Variants in HAUS8 observed in about 807,000 individuals in gnomAD.
The protein encoded by HAUS8 is HAUS augmin-like complex subunit 8.
A neutral mutation model predicts 42.9 loss-of-function variants in HAUS8; 38 were observed. That is an observed-to-expected ratio of 0.89 (90% CI 0.68 to 1.16). HAUS8 has a LOEUF of 1.16. Among genes scored for constraint, HAUS8 ranks in the 50% most tolerant of loss-of-function variants. The probability of loss-of-function intolerance (pLI) is 0.00; values close to 1 mark genes in which losing one functional copy is unlikely to be tolerated. For synonymous variants in HAUS8, 199 were observed against 205.8 expected (o/e 0.97, Z 0.28); for missense variants, 494 against 511.6 (o/e 0.97, Z 0.33).
intron 3 of HAUS8, among the ~76,000 whole-genome samples, chr19:17,068,382 TGTTTTTAAATACCAGCCA>T (rs1448460189): frequency 1.3e-5 from 2 of 152,128 alleles, no homozygotes; most frequent in Admixed American, 1.3e-4. Flanking sequence ...CCAAAGTAGC[TGTTTTTAAATACCAGCCA>T]GACACCAAGA....
intron 2 of HAUS8, among the ~76,000 whole-genome samples, chr19:17,071,512 G>C (rs1050971957): frequency 1.3e-5 from 2 of 152,184 alleles, no homozygotes; most frequent in South Asian, 4.1e-4. Flanking sequence ...GTCTACCCTG[G>C]ATGGTGATCG....
chr19:17,072,819 G>A (rs188085713), intron 2 of HAUS8, among the ~76,000 whole-genome samples: 1 of 151,914 alleles, frequency 6.6e-6, no homozygotes, highest in Non-Finnish European at 1.5e-5. Context: ...AGTGGGAATT[G>A]AGAGTTTGAT....
At chr19:17,055,836 C>T (rs567896602) in intron 9 of HAUS8, 25 bp downstream of exon 9, 80 of 1,605,944 alleles carry the variant, frequency 5.0e-5, no homozygotes, top group South Asian at 1.1e-4. Flanking sequence ...CTGCTGCACA[C>T]GCACTGGGAC....
chr19:17,052,025 A>C (rs892727031), intron 10 of HAUS8: 2 of 152,182 alleles, frequency 1.3e-5, no homozygotes, highest in African/African-American at 4.8e-5. Flanking sequence ...CTGTAATCCC[A>C]GTTAGTTCGG....
chr19:17,052,667 T>C (rs2057294632), intron 10 of HAUS8, 158 bp downstream of exon 10: 1 of 736,812 alleles, frequency 1.4e-6, no homozygotes, highest in African/African-American at 1.8e-5. Context: ...TGCTGGCCAT[T>C]CTTGTATCAT....
intron 2 of HAUS8, among the ~76,000 whole-genome samples, chr19:17,072,338 CTTTT>C (rs71180355): frequency 1.1e-5 from 1 of 87,530 alleles, no homozygotes. Flanking sequence ...CGAGCATTTC[CTTTT>C]TTTTTTTTTT....
At chr19:17,059,809 G>T (rs1213050406) in intron 5 of HAUS8, among the ~76,000 whole-genome samples, 158 bp from the exon 6 acceptor site, 1 of 152,074 alleles carries the variant, frequency 6.6e-6, no homozygotes, top group Non-Finnish European at 1.5e-5. Flanking sequence ...GTTCAACTTT[G>T]CAAGGGGCAA....
At chr19:17,065,417 G>A (rs749045171) in intron 3 of HAUS8, among the ~76,000 whole-genome samples, 3 of 152,318 alleles carry the variant, frequency 2.0e-5, no homozygotes, top group Non-Finnish European at 4.4e-5. Flanking sequence ...ACGCAACAGA[G>A]GCCAAGAAGA....
intron 8 of HAUS8, among the ~76,000 whole-genome samples, chr19:17,056,326 C>T (rs2057326376): frequency 6.6e-6 from 1 of 152,198 alleles, no homozygotes; most frequent in African/African-American, 2.4e-5. Flanking sequence ...CCCACTCCCA[C>T]CCCAAACATG....
chr19:17,051,155 A>G (rs907732038), intron 10 of HAUS8, among the ~76,000 whole-genome samples: 1 of 152,046 alleles, frequency 6.6e-6, no homozygotes, highest in Non-Finnish European at 1.5e-5. Context: ...TGGATGAATG[A>G]GTTATCCTGG....
chr19:17,059,975 A>C, intron 5 of HAUS8, 22 bp downstream of exon 5: 1 of 1,544,360 alleles, frequency 6.5e-7, no homozygotes, highest in Non-Finnish European at 9.0e-7. Context: ...GAGTGACAGA[A>C]GGGGTGAAAC....
At chr19:17,072,809 A>G (rs546286118) in intron 2 of HAUS8, among the ~76,000 whole-genome samples, 19 of 151,994 alleles carry the variant, frequency 1.3e-4, no homozygotes, top group Non-Finnish European at 2.5e-4. Flanking sequence ...ACGCTCACGC[A>G]GTGGGAATTG....
chr19:17,058,765 G>A (rs990870939), intron 7 of HAUS8, 46 bp downstream of exon 7: 16 of 1,606,018 alleles, frequency 1.0e-5, no homozygotes, highest in African/African-American at 1.3e-5. Context: ...GTGAATGGAG[G>A]CCACCCTTCC....
intron 1 of HAUS8, chr19:17,075,016 T>C (rs2057459424): frequency 7.0e-6 from 2 of 286,614 alleles, no homozygotes; most frequent in South Asian, 5.1e-5. Flanking sequence ...TGCATAACGA[T>C]AATTCCAAGA....
chr19:17,064,156 A>T (rs1345116506), intron 3 of HAUS8, among the ~76,000 whole-genome samples: 2 of 152,236 alleles, frequency 1.3e-5, no homozygotes, highest in Admixed American at 6.5e-5. Context: ...ATGGCACTAA[A>T]CACCAAATGC....
At chr19:17,069,414 G>A (rs781362372) in intron 2 of HAUS8, among the ~76,000 whole-genome samples, 2 of 151,212 alleles carry the variant, frequency 1.3e-5, no homozygotes, top group Non-Finnish European at 2.9e-5. Context: ...TTTCACTGAC[G>A]GCCTCCAGGT....
Position 17,058,662 on chromosome 19 carries a change from A to C in HAUS8, c.532T>G (p.Leu178Val). The change falls in exon 8 of 11, where the codon TTA becomes GTA. Residue 178 changes from leucine to valine, a missense_variant. Coordinates refer to ENST00000253669, the MANE Select transcript of HAUS8 (RefSeq NM_033417.2). The stretch of plus-strand genomic sequence containing the variant: ...TCCTTCTCCTTACACATTATTAATA[A>C]ATTCTTTTCTGCCCTTCTTTCAAAC... ...AEFERRAEKN[L>V]LIMCKEKEKL... The C allele has an allele frequency of 1.2e-6, 2 of 1,612,398 alleles. No homozygotes were observed. Among genetic ancestry groups the C allele is most frequent in the South Asian group, 1.1e-5 (1 of 90,738 alleles).
chr19:17,059,528 G>A (rs374658961), intron 6 of HAUS8, 29 bp downstream of exon 6: 7 of 1,481,116 alleles, frequency 4.7e-6, no homozygotes, highest in Non-Finnish European at 6.6e-6. Flanking sequence ...CAACCCATCT[G>A]TGGCTGCCCT....
At chr19:17,057,257 T>C (rs1032367422) in intron 8 of HAUS8, among the ~76,000 whole-genome samples, 12 of 151,794 alleles carry the variant, frequency 7.9e-5, no homozygotes, top group Admixed American at 5.3e-4. Context: ...AGCTCAGGTA[T>C]GAGAGTTGCC....
Sources: gnomAD v4.1 joint callset for allele counts (sites outside exome capture counted in the v4.1 genomes callset) on GRCh38, gnomAD v4.1.1 for gene constraint, MANE v1.5 for transcripts, NCBI Gene and HGNC (gene_info 2026-07-23, HGNC 2026-07-21) for gene names.